The following TACR3 variants were observed in gnomAD, a reference collection of about 807,000 sequenced individuals.
TACR3 encodes neuromedin-K receptor.
Under a neutral mutation model 35.0 loss-of-function variants are expected in TACR3, and 34 were observed. The ratio of observed to expected loss-of-function variants is 0.97; its 90% confidence interval spans 0.74 to 1.30. The LOEUF (loss-of-function observed/expected upper bound fraction) is 1.30. TACR3 is among the 50% of genes most tolerant of loss of function. The pLI is 0.00. For missense variants in TACR3, 558 were observed against 591.7 expected, an observed-to-expected ratio of 0.94 and a Z score of 0.59; for synonymous variants, 233 against 221.1, an observed-to-expected ratio of 1.05 and a Z score of -0.48.
intron 1 of TACR3, among the ~76,000 whole-genome samples, chr4:103,707,080 G>C (rs1223194684): frequency 1.3e-5 from 2 of 152,128 alleles, no homozygotes; most frequent in African/African-American, 2.4e-5. Flanking sequence ...TGGCCCACTC[G>C]GTGGAATGCT....
At chr4:103,709,077 A>G (rs912574335) in intron 1 of TACR3, among the ~76,000 whole-genome samples, 3 of 152,200 alleles carry the variant, frequency 2.0e-5, no homozygotes, top group African/African-American at 7.2e-5. Context: ...GTTGGAAAAC[A>G]CTCTGCAGGA....
At chr4:103,708,860 C>T (rs1298844684) in intron 1 of TACR3, among the ~76,000 whole-genome samples, 1 of 152,154 alleles carries the variant, frequency 6.6e-6, no homozygotes, top group Non-Finnish European at 1.5e-5. Context: ...GTGACAAATG[C>T]ACAAGCTTCA....
intron 3 of TACR3, among the ~76,000 whole-genome samples, chr4:103,600,120 C>A (rs961274444): frequency 6.6e-6 from 1 of 152,114 alleles, no homozygotes; most frequent in Admixed American, 6.6e-5. Flanking sequence ...TTGATTATTA[C>A]CTCAATTTCA....
At chr4:103,696,227 A>T (rs1398082924) in intron 1 of TACR3, among the ~76,000 whole-genome samples, 1 of 152,202 alleles carries the variant, frequency 6.6e-6, no homozygotes, top group Admixed American at 6.5e-5. Context: ...CAAAATGATC[A>T]TATAAACTGA....
At chr4:103,633,664 G>T (rs975623286) in intron 3 of TACR3, among the ~76,000 whole-genome samples, 2 of 151,982 alleles carry the variant, frequency 1.3e-5, no homozygotes, top group Admixed American at 1.3e-4. Flanking sequence ...TAAAATGTTT[G>T]GTTTTCCATT....
intron 3 of TACR3, among the ~76,000 whole-genome samples, chr4:103,603,618 T>A (rs1270868944): frequency 1.3e-5 from 2 of 152,238 alleles, no homozygotes; most frequent in African/African-American, 4.8e-5. Context: ...TTGTGAACAG[T>A]GCTGCAATAA....
At chr4:103,669,889 G>T (rs1467598669) in intron 1 of TACR3, among the ~76,000 whole-genome samples, 1 of 151,294 alleles carries the variant, frequency 6.6e-6, no homozygotes, top group Non-Finnish European at 1.5e-5. Flanking sequence ...AGAAATCTTT[G>T]ATAAGACAAA....
chr4:103,596,083 T>C (rs1724008299), intron 3 of TACR3, among the ~76,000 whole-genome samples: 4 of 150,520 alleles, frequency 2.7e-5, no homozygotes, highest in Admixed American at 1.3e-4. Context: ...CATGAACTCA[T>C]CCTTTTTTAT....
intron 1 of TACR3, among the ~76,000 whole-genome samples, chr4:103,678,294 G>A (rs144487550): frequency 6.6e-6 from 1 of 152,214 alleles, no homozygotes; most frequent in Non-Finnish European, 1.5e-5. Context: ...GGCAGTGCCA[G>A]TGTATTCTCT....
At chr4:103,637,737 C>CAA (rs1438870396) in intron 3 of TACR3, among the ~76,000 whole-genome samples, 12 of 151,322 alleles carry the variant, frequency 7.9e-5, no homozygotes, top group East Asian at 2.0e-4. Context: ...GCAACTTCAG[C>CAA]AGTCTCAGGA....
At chr4:103,694,769 T>A (rs1722485789) in intron 1 of TACR3, among the ~76,000 whole-genome samples, 1 of 152,192 alleles carries the variant, frequency 6.6e-6, no homozygotes, top group Non-Finnish European at 1.5e-5. Context: ...AAAGATTTGC[T>A]ATATAAATAT....
At chr4:103,615,078 A>G (rs1164455327) in intron 3 of TACR3, among the ~76,000 whole-genome samples, 1 of 151,468 alleles carries the variant, frequency 6.6e-6, no homozygotes, top group East Asian at 1.9e-4. Context: ...TGTATTTTTT[A>G]GTAGAGACAG....
At chr4:103,681,828 G>T (rs1056060918) in intron 1 of TACR3, among the ~76,000 whole-genome samples, 2 of 151,694 alleles carry the variant, frequency 1.3e-5, no homozygotes, top group Non-Finnish European at 2.9e-5. Flanking sequence ...AGTACAAATA[G>T]GCATTTACCA....
chr4:103,626,096 A>T (rs757516136), intron 3 of TACR3, among the ~76,000 whole-genome samples: 8 of 152,160 alleles, frequency 5.3e-5, no homozygotes, highest in Non-Finnish European at 1.0e-4. Context: ...CCAGTCTGTG[A>T]TACTTTGTTA....
intron 3 of TACR3, among the ~76,000 whole-genome samples, chr4:103,624,096 T>C (rs1560811034): frequency 1.3e-5 from 2 of 152,172 alleles, no homozygotes; most frequent in Non-Finnish European, 2.9e-5. Flanking sequence ...ACGGGTAACA[T>C]TTGAAGGACC....
intron 3 of TACR3, among the ~76,000 whole-genome samples, chr4:103,623,028 T>C (rs988183020): frequency 6.6e-6 from 1 of 152,142 alleles, no homozygotes; most frequent in African/African-American, 2.4e-5. Flanking sequence ...GTCCTCCAAC[T>C]GGAGTATACC....
chr4:103,628,535 ACTAGAAAAT>A (rs2110309372), intron 3 of TACR3, among the ~76,000 whole-genome samples: 2 of 152,330 alleles, frequency 1.3e-5, no homozygotes, highest in African/African-American at 4.8e-5. Flanking sequence ...ACACAAATAA[ACTAGAAAAT>A]CTAGAAGAAA....
chr4:103,629,880 A>C (rs1234434721), intron 3 of TACR3, among the ~76,000 whole-genome samples: 3 of 130,544 alleles, frequency 2.3e-5, no homozygotes, highest in African/African-American at 6.4e-5. Flanking sequence ...AACAAAAAAA[A>C]CAACAACAAC....
chr4:103,596,559 C>G (rs906763915), intron 3 of TACR3, among the ~76,000 whole-genome samples: 10 of 151,696 alleles, frequency 6.6e-5, no homozygotes, highest in Admixed American at 1.3e-4. Context: ...TGACAAAAAA[C>G]AAAACAAAAC....
Sources: gnomAD v4.1 joint callset for allele counts (sites outside exome capture counted in the v4.1 genomes callset) on GRCh38, gnomAD v4.1.1 for gene constraint, MANE v1.5 for transcripts, NCBI Gene and HGNC (gene_info 2026-07-23, HGNC 2026-07-21) for gene names.